Variants in SMC5 observed in about 807,000 individuals in gnomAD.
SMC5 encodes structural maintenance of chromosomes 5.
SMC5 carries 88 observed loss-of-function variants against 148.3 expected under a neutral mutation model. The ratio of observed to expected loss-of-function variants is 0.59; its 90% CI spans 0.50 to 0.71. SMC5 has a LOEUF of 0.71. SMC5 is among the 30% of genes least tolerant of loss of function. The pLI is 0.00. For missense variants in SMC5, 1,142 were observed against 1,298.9 expected (o/e 0.88, Z 1.86); for synonymous variants, 421 against 432.8 (o/e 0.97, Z 0.34).
intron 17 of SMC5, among the ~76,000 whole-genome samples, chr9:70,326,366 T>C (rs750703798): frequency 1.3e-5 from 2 of 152,076 alleles, no homozygotes; most frequent in Non-Finnish European, 1.5e-5. Context: ...TTATACCTCA[T>C]GAAAACTTAC....
rs763235374 is a variant in SMC5 at position 70,318,611 on chromosome 9, C to T, written c.1904C>T (p.Thr635Ile). 2 of 1,612,798 alleles carry T rather than the reference C, an allele frequency of 1.2e-6. No individual in the cohort carries two copies. The highest frequency in any genetic ancestry group is 1.7e-6 in the Non-Finnish European group (2 of 1,179,312). ...FYSNKVISSNTSLKVAQFLTV... is the reference protein window; with the variant it reads ...FYSNKVISSNISLKVAQFLTV... ...TCAAACAAAGTTATTTCTAGTAACA[C>T]ATCTCTAAAAGTAGCGCAGTTTCTC... The change falls in exon 14 of 25, where the codon ACA becomes ATA. Residue 635 changes from threonine (T) to isoleucine (I), a missense_variant. Transcript: ENST00000361138.
chr9:70,264,537 C>A, intron 2 of SMC5, 92 bp downstream of exon 2: 2 of 1,295,858 alleles, frequency 1.5e-6, no homozygotes, highest in Non-Finnish European at 1.1e-6. Flanking sequence ...TTGGGTATAG[C>A]AAACTTAATA....
chr9:70,287,677 A>G (rs2118255110), intron 8 of SMC5, among the ~76,000 whole-genome samples: 1 of 152,274 alleles, frequency 6.6e-6, no homozygotes, highest in East Asian at 1.9e-4. Flanking sequence ...AGAATTAACC[A>G]CAAATGTTCA....
At chr9:70,342,327 C>T (rs944869560) in intron 17 of SMC5, among the ~76,000 whole-genome samples, 1 of 151,362 alleles carries the variant, frequency 6.6e-6, no homozygotes, top group Admixed American at 6.6e-5. Context: ...CAGCATGGCA[C>T]ATGTATACAT....
intron 8 of SMC5, among the ~76,000 whole-genome samples, chr9:70,290,707 A>G (rs1189693661): frequency 1.3e-5 from 2 of 152,128 alleles, no homozygotes; most frequent in Admixed American, 6.5e-5. Context: ...GAACATATTT[A>G]AAATCGCTGT....
At chr9:70,264,928 G>T (rs1434593102) in intron 2 of SMC5, among the ~76,000 whole-genome samples, 2 of 152,178 alleles carry the variant, frequency 1.3e-5, no homozygotes, top group Non-Finnish European at 2.9e-5. Flanking sequence ...TGTAGAGCAT[G>T]TTACTGTACT....
Position 70,318,849 on chromosome 9 carries a change from C to T in SMC5, c.2036C>T (p.Thr679Ile). ...VDSGLIALRE[T>I]SKHLEHKDNE... ...TCAGGGTTGATTGCCTTACGTGAAA[C>T]AAGCAAACATCTGGAGCACAAAGAC... Residue 679 changes from threonine (T) to isoleucine (I), a missense_variant, in exon 15 of 25, where the codon ACA becomes ATA. Thr to Ile is a moderately conservative substitution (Grantham distance 89). Coordinates refer to ENST00000361138, the MANE Select transcript of SMC5 (RefSeq NM_015110.4). The T allele has an allele frequency of 6.2e-7, 1 of 1,608,124 alleles. No individual in the cohort carries two copies.
chr9:70,300,329 C>A, intron 10 of SMC5, 129 bp downstream of exon 10: 1 of 748,580 alleles, frequency 1.3e-6, no homozygotes, highest in Non-Finnish European at 2.0e-6. Flanking sequence ...TGGCATACTG[C>A]TGAATCTATA....
chr9:70,303,451 A>C (rs539659563), intron 10 of SMC5, among the ~76,000 whole-genome samples: 1 of 152,064 alleles, frequency 6.6e-6, no homozygotes. Context: ...TCCCCCCTCA[A>C]ATTGCGAAAC....
chr9:70,268,030 T>G, intron 3 of SMC5, 55 bp downstream of exon 3: 2 of 1,385,486 alleles, frequency 1.4e-6, no homozygotes, highest in South Asian at 2.5e-5. Context: ...TAGTTTATAT[T>G]CATGTTTTCC....
rs2117886640 is a variant in SMC5, at chr9:70,259,245, T to C, written c.167T>C (p.Ile56Thr). The change falls in exon 1 of 25, where the codon ATC becomes ACC. Residue 56 changes from isoleucine (I) to threonine (T), a missense_variant. Ile to Thr is a moderately conservative substitution (Grantham distance 89). Transcript: ENST00000361138. ...TTCGTGGAAGGCTCTATCGTCCGCA[T>C]CTCGATGGAGAACTTCCTGTAAGTT... ...GPFVEGSIVR[I>T]SMENFLTYDI... 3.1e-6 allele frequency: 5 copies of C among 1,592,226 alleles called. No homozygotes were observed. The highest frequency in any genetic ancestry group is 3.4e-6 in the Non-Finnish European group (4 of 1,168,634).
chr9:70,281,107 G>A (rs570413462), intron 6 of SMC5, among the ~76,000 whole-genome samples: 5 of 150,788 alleles, frequency 3.3e-5, no homozygotes, highest in East Asian at 2.0e-4. Flanking sequence ...GTACGATCTC[G>A]GCTCACTGCA....
At chr9:70,269,362 G>T (rs2118025465) in intron 3 of SMC5, among the ~76,000 whole-genome samples, 1 of 152,170 alleles carries the variant, frequency 6.6e-6, no homozygotes, top group Admixed American at 6.5e-5. Flanking sequence ...GCAAGTGATT[G>T]CTTGAGTCCA....
Position 70,282,651 on chromosome 9 carries a change from G to A in SMC5, c.981+68G>A, listed in dbSNP as rs538907776. 5.5e-4 allele frequency: 795 copies of A among 1,442,230 alleles called. 4 individuals carry two copies. The highest frequency in any genetic ancestry group is 4.9e-3 in the Middle Eastern group (23 of 4,668). 89.3% of individuals were successfully genotyped at this position (1,442,230 alleles called of 1,614,324 possible). On this transcript the variant is annotated intron_variant, in intron 7 of 24. Transcript: ENST00000361138. ...AGCAAATATAAAAAATATTTTGCAGGTGTTTGAAAATATTTTCAAGGGTTT... is the reference window on the plus strand; with the variant it reads ...AGCAAATATAAAAAATATTTTGCAGATGTTTGAAAATATTTTCAAGGGTTT...
intron 17 of SMC5, among the ~76,000 whole-genome samples, chr9:70,334,566 T>G (rs1456517037): frequency 6.6e-6 from 1 of 152,158 alleles, no homozygotes; most frequent in African/African-American, 2.4e-5. Flanking sequence ...AAGGTCTTGT[T>G]TTTGTAAAGT....
rs2035256414 is a variant in SMC5 at position 70,298,141 on chromosome 9, T to C, written c.1229T>C (p.Ile410Thr). ...GCCATTACAAATGATCTGAGACGGATTCAGGATGAAAAGGCATTATGTGAA... is the reference window on the plus strand; with the variant it reads ...GCCATTACAAATGATCTGAGACGGACTCAGGATGAAAAGGCATTATGTGAA... Reference protein sequence around the residue: ...IDAITNDLRRIQDEKALCEGE... With the variant: ...IDAITNDLRRTQDEKALCEGE... The change falls in exon 9 of 25, where the codon ATT becomes ACT. Residue 410 changes from isoleucine to threonine, a missense_variant. Transcript: ENST00000361138. 5 of 1,613,880 alleles carry C rather than the reference T, an allele frequency of 3.1e-6. No homozygotes were observed. Among genetic ancestry groups the C allele is most frequent in the Non-Finnish European group, 3.4e-6 (4 of 1,179,942 alleles).
chr9:70,308,126 A>G (rs773387079), intron 11 of SMC5, among the ~76,000 whole-genome samples: 1 of 152,114 alleles, frequency 6.6e-6, no homozygotes, highest in Non-Finnish European at 1.5e-5. Context: ...TAGAGACCAG[A>G]TAATATGTGC....
intron 24 of SMC5, among the ~76,000 whole-genome samples, chr9:70,351,800 G>A (rs760434403): frequency 1.3e-5 from 2 of 152,132 alleles, no homozygotes; most frequent in Non-Finnish European, 2.9e-5. Context: ...TATTGGCTGG[G>A]GACAGTGGCT....
In SMC5 at chr9:70,353,342, T is replaced by A. The variant is rs2036844751; in HGVS notation, c.*1011T>A. ...TTGATGTACCCATTATCTTAGAAAA[T>A]CTAGTTTAAACTGTTTTCTTTCACC... On this transcript the variant is annotated 3_prime_UTR_variant, in exon 25 of 25. Coordinates refer to ENST00000361138, the MANE Select transcript of SMC5 (RefSeq NM_015110.4). 6.6e-6 allele frequency: 1 copy of A among 152,256 alleles called. No individual in the cohort carries two copies. Among genetic ancestry groups the A allele is most frequent in the African/African-American group, 2.4e-5 (1 of 41,582 alleles). The allele number at this position is 152,256 out of a possible 1,614,324, so 9.4% of individuals were successfully genotyped here. A position where few individuals can be genotyped will look rare whatever the true frequency, so the allele number is the denominator to read the frequency against.
Sources: allele counts gnomAD v4.1 joint callset (sites outside exome capture counted in the v4.1 genomes callset), GRCh38; gene constraint gnomAD v4.1.1; transcripts MANE v1.5; gene names NCBI Gene and HGNC (gene_info 2026-07-23, HGNC 2026-07-21).